The following EPHA3 variants were observed in gnomAD, a reference collection of about 807,000 sequenced individuals.
EPHA3 encodes EPH receptor A3.
A neutral mutation model predicts 107.1 loss-of-function variants in EPHA3; 42 were observed. The observed-to-expected ratio is 0.39, with a 90% CI of 0.31 to 0.51. EPHA3 has a LOEUF of 0.51. Ranked by LOEUF, EPHA3 falls within the 20% of genes least tolerant of loss-of-function variation. The pLI is 0.78. For synonymous variants in EPHA3, 461 were observed against 424.8 expected (o/e 1.09, Z -1.05); for missense variants, 1,183 against 1,211.2 (o/e 0.98, Z 0.35).
intron 3 of EPHA3, among the ~76,000 whole-genome samples, chr3:89,339,099 G>A (rs1246454282): frequency 6.6e-6 from 1 of 152,088 alleles, no homozygotes; most frequent in African/African-American, 2.4e-5. Flanking sequence ...TCGGCCTGTG[G>A]CGGTGACTCA....
At chr3:89,200,907 G>C (rs766662918) in intron 2 of EPHA3, among the ~76,000 whole-genome samples, 1 of 152,118 alleles carries the variant, frequency 6.6e-6, no homozygotes, top group Non-Finnish European at 1.5e-5. Flanking sequence ...ATAGCTTCCT[G>C]TCCAGGGCTG....
intron 3 of EPHA3, among the ~76,000 whole-genome samples, chr3:89,288,139 TA>T (rs1051395219): frequency 1.3e-5 from 2 of 151,846 alleles, no homozygotes; most frequent in East Asian, 1.9e-4. Flanking sequence ...ATTACAAATT[TA>T]AAAAAAACAC....
chr3:89,309,107 T>C (rs888518800), intron 3 of EPHA3, among the ~76,000 whole-genome samples: 12 of 152,058 alleles, frequency 7.9e-5, no homozygotes, highest in Non-Finnish European at 1.2e-4. Flanking sequence ...GCAGATCAAG[T>C]AGGCTGAGTG....
At chr3:89,244,437 A>G (rs1301741358) in intron 3 of EPHA3, among the ~76,000 whole-genome samples, 1 of 152,100 alleles carries the variant, frequency 6.6e-6, no homozygotes, top group Non-Finnish European at 1.5e-5. Context: ...CATCCAACAT[A>G]TTTAAATTTT....
intron 5 of EPHA3, among the ~76,000 whole-genome samples, chr3:89,344,345 G>A (rs1236455951): frequency 2.6e-5 from 4 of 152,084 alleles, no homozygotes; most frequent in African/African-American, 9.7e-5. Context: ...CACAGTTTAA[G>A]ACAGATTCAG....
rs116469346 is a variant in EPHA3 at position 89,445,336 on chromosome 3, C to T, written c.2347-3889C>T. The stretch of plus-strand genomic sequence containing the variant: ...AAGAAAGAGTTTAAATTAGCCCCAG[C>T]TCTTCTTTTAGACTGAGTTGTTTGG... On this transcript the variant is annotated intron_variant, in intron 13 of 16. Transcript: ENST00000336596. Among the ~76,000 whole-genome samples the T allele has an allele frequency of 6.9e-3, 1,049 of 152,230 alleles. 15 individuals carry two copies. The highest frequency in any genetic ancestry group is 0.024 in the African/African-American group (1,006 of 41,526).
At chr3:89,418,703 A>G (rs1295392708) in intron 10 of EPHA3, among the ~76,000 whole-genome samples, 2 of 151,458 alleles carry the variant, frequency 1.3e-5, no homozygotes, top group Non-Finnish European at 3.0e-5. Flanking sequence ...CAACACACCA[A>G]TACTCCAATA....
In EPHA3 at chr3:89,338,774, C is replaced by A. The variant is rs180840729; in HGVS notation, c.815-2142C>A. Among the ~76,000 whole-genome samples the A allele has an allele frequency of 6.6e-5, 10 of 152,284 alleles. No homozygotes were observed. In the East Asian group the frequency reaches 1.9e-3, roughly 29 times the overall value. ...GTGTTAGCCAAGATGGTCTCGATCTCCTGACTTTTATGGTTTTTACAACAT... is the reference window on the plus strand; with the variant it reads ...GTGTTAGCCAAGATGGTCTCGATCTACTGACTTTTATGGTTTTTACAACAT... On this transcript the variant is annotated intron_variant, in intron 3 of 16. Coordinates refer to ENST00000336596, the MANE Select transcript of EPHA3 (RefSeq NM_005233.6).
intron 2 of EPHA3, among the ~76,000 whole-genome samples, chr3:89,203,814 GA>G (rs920305545): frequency 2.0e-5 from 3 of 151,748 alleles, no homozygotes; most frequent in African/African-American, 7.3e-5. Flanking sequence ...AAAATATTAA[GA>G]AAAAAACCTT....
intron 13 of EPHA3, among the ~76,000 whole-genome samples, chr3:89,445,329 G>T (rs956710824): frequency 6.6e-6 from 1 of 151,984 alleles, no homozygotes; most frequent in Non-Finnish European, 1.5e-5. Context: ...GTTTAAATTA[G>T]CCCCAGCTCT....
At chr3:89,185,229 CATTT>C (rs1201634268) in intron 2 of EPHA3, among the ~76,000 whole-genome samples, 1 of 151,904 alleles carries the variant, frequency 6.6e-6, no homozygotes, top group African/African-American at 2.4e-5. Flanking sequence ...CCTTGTCAAA[CATTT>C]ATTTATTTTC....
intron 3 of EPHA3, among the ~76,000 whole-genome samples, chr3:89,328,106 A>T (rs1381658107): frequency 2.6e-5 from 4 of 152,060 alleles, no homozygotes; most frequent in Non-Finnish European, 5.9e-5. Flanking sequence ...TCAAAAAAAG[A>T]AAAAAAGAAA....
chr3:89,377,834 G>A (rs115340108), intron 5 of EPHA3, among the ~76,000 whole-genome samples: 2,327 of 152,060 alleles, frequency 0.015, 43 homozygotes, highest in African/African-American at 0.053. Flanking sequence ...GTTTCATACA[G>A]ATCTTTTTTT....
chr3:89,435,522 C>A (rs1709649861), intron 13 of EPHA3, among the ~76,000 whole-genome samples: 4 of 140,538 alleles, frequency 2.8e-5, no homozygotes, highest in South Asian at 2.2e-4. Flanking sequence ...AATGCTATAT[C>A]TATATAAATA....
chr3:89,203,582 G>T (rs1419007231), intron 2 of EPHA3, among the ~76,000 whole-genome samples: 1 of 151,014 alleles, frequency 6.6e-6, no homozygotes, highest in Non-Finnish European at 1.5e-5. Context: ...GACCATCCTG[G>T]CTAGCACGGT....
chr3:89,319,024 T>C (rs767853183), intron 3 of EPHA3, among the ~76,000 whole-genome samples: 3 of 152,100 alleles, frequency 2.0e-5, no homozygotes, highest in Non-Finnish European at 4.4e-5. Context: ...AGTTATGCTT[T>C]TGATGAAATC....
intron 2 of EPHA3, among the ~76,000 whole-genome samples, chr3:89,159,087 A>C (rs1419623923): frequency 1.3e-5 from 2 of 152,146 alleles, no homozygotes; most frequent in Non-Finnish European, 2.9e-5. Context: ...TTTTGTACTA[A>C]TATGTCTGGC....
chr3:89,276,923 C>A (rs764438298), intron 3 of EPHA3, among the ~76,000 whole-genome samples: 11 of 152,060 alleles, frequency 7.2e-5, no homozygotes, highest in Non-Finnish European at 1.5e-4. Context: ...TGTTATGGAT[C>A]AATTTAACAG....
intron 7 of EPHA3, among the ~76,000 whole-genome samples, chr3:89,400,829 T>A (rs867146915): frequency 6.6e-6 from 1 of 152,182 alleles, no homozygotes; most frequent in East Asian, 1.9e-4. Context: ...AGGATATATA[T>A]CACTATCAGT....
Sources: gnomAD v4.1 joint callset for allele counts (sites outside exome capture counted in the v4.1 genomes callset) on GRCh38, gnomAD v4.1.1 for gene constraint, MANE v1.5 for transcripts, NCBI Gene and HGNC (gene_info 2026-07-23, HGNC 2026-07-21) for gene names.